The following UGP2 variants were observed in gnomAD, a reference collection of about 807,000 sequenced individuals.
UGP2 encodes the protein UDP-glucose pyrophosphorylase 2.
UGP2 carries 40 observed loss-of-function variants against 49.0 expected under a neutral mutation model. That is an observed-to-expected ratio of 0.82 (90% CI 0.63 to 1.06). UGP2 has a LOEUF of 1.06. UGP2 is among the 50% of genes least tolerant of loss of function. The pLI, the probability that UGP2 is intolerant of heterozygous loss-of-function variation, is 0.00. For synonymous variants in UGP2, 225 were observed against 213.0 expected, an observed-to-expected ratio of 1.06 and a Z score of -0.49; for missense variants, 460 against 603.5, an observed-to-expected ratio of 0.76 and a Z score of 2.49.
Position 63,886,216 on chromosome 2 carries a change from A to T in UGP2, c.874-125A>T, listed in dbSNP as rs1575855899. 3.0e-6 allele frequency: 3 copies of T among 990,502 alleles called. No homozygotes were observed. In the East Asian group the frequency reaches 7.6e-5, roughly 25 times the overall value. The allele number at this position is 990,502 out of a possible 1,614,324, so 61.4% of individuals were successfully genotyped here. A position where few individuals can be genotyped will look rare whatever the true frequency, so the allele number is the denominator to read the frequency against. The stretch of plus-strand genomic sequence containing the variant: ...TAAATGTTATTTCATTGTCCCTTTT[A>T]TGAAAATTTACTCTGTTTCTACATA... On this transcript the variant is annotated intron_variant, in intron 6 of 9. Coordinates refer to ENST00000337130, the MANE Select transcript of UGP2 (RefSeq NM_006759.4).
chr2:63,856,124 T>C, intron 1 of UGP2, 182 bp from the exon 2 acceptor site: 1 of 611,128 alleles, frequency 1.6e-6, no homozygotes, highest in Non-Finnish European at 2.7e-6. Context: ...TAGTGGAGAA[T>C]ATGAAACTGG....
intron 1 of UGP2, among the ~76,000 whole-genome samples, chr2:63,853,120 G>C (rs1669149486): frequency 6.6e-6 from 1 of 152,126 alleles, no homozygotes; most frequent in African/African-American, 2.4e-5. Flanking sequence ...GAGAGGAAAG[G>C]AGGAGCCAGT....
At chr2:63,876,781 T>A (rs1670935040) in intron 3 of UGP2, among the ~76,000 whole-genome samples, 2 of 152,232 alleles carry the variant, frequency 1.3e-5, no homozygotes, top group Admixed American at 1.3e-4. Context: ...CCAGGGCCTG[T>A]TCCCAGAAGT....
At chr2:63,851,787 A>AGT (rs1669058285) in intron 1 of UGP2, among the ~76,000 whole-genome samples, 1 of 152,136 alleles carries the variant, frequency 6.6e-6, no homozygotes, top group Admixed American at 6.6e-5. Flanking sequence ...TAAATCCTGA[A>AGT]GTAGGATATG....
At chr2:63,858,425 T>TTA (rs149386772) in intron 3 of UGP2, among the ~76,000 whole-genome samples, 4 of 152,128 alleles carry the variant, frequency 2.6e-5, no homozygotes, top group Admixed American at 2.6e-4. Context: ...AATGAGAAAA[T>TTA]TATATATATA....
chr2:63,856,512 T>G (rs1191046047), intron 2 of UGP2, 79 bp downstream of exon 2: 1 of 1,478,558 alleles, frequency 6.8e-7, no homozygotes, highest in African/African-American at 1.4e-5. Flanking sequence ...CCGGTGATGA[T>G]GATAATCATC....
At position 63,885,570 on chromosome 2, in the gene UGP2, A is replaced by G; in HGVS notation, c.576-19A>G. ...CTCTACAGGGTCAATATTGAAAAAG[A>G]ACTTTTTTTTTTTTAAAGGTACCCG... is the stretch of plus-strand genomic sequence containing the variant. On this transcript the variant is annotated intron_variant, in intron 5 of 9. Transcript: ENST00000337130. 6.7e-7 allele frequency: 1 copy of G among 1,503,398 alleles called. No individual in the cohort carries two copies. The highest frequency in any genetic ancestry group is 8.9e-7 in the Non-Finnish European group (1 of 1,126,464). The allele number at this position is 1,503,398 out of a possible 1,614,324, so 93.1% of individuals were successfully genotyped here. A position where few individuals can be genotyped will look rare whatever the true frequency, so the allele number is the denominator to read the frequency against.
At chr2:63,891,024 T>TAA (rs368306965) in intron 9 of UGP2, 96 bp from the exon 10 acceptor site, 17,397 of 829,068 alleles carry the variant, frequency 0.021, 50 homozygotes, top group Non-Finnish European at 0.022. Context: ...TACTTCACTG[T>TAA]AAAAAAAAAA....
Position 63,842,040 on chromosome 2 carries a change from G to C in UGP2, c.-146G>C. 3.2e-6 allele frequency: 3 copies of C among 929,648 alleles called. No homozygotes were observed. The highest frequency in any genetic ancestry group is 4.5e-6 in the Non-Finnish European group (3 of 660,978). 57.6% of individuals were successfully genotyped at this position (929,648 alleles called of 1,614,324 possible). A position where few individuals can be genotyped will look rare whatever the true frequency, so the allele number is the denominator to read the frequency against. On this transcript the variant is annotated 5_prime_UTR_variant, in exon 1 of 10. Transcript: ENST00000337130. ...TTCTTGAGCCAGTTTTAATCGCTTTGAATAAATACTCCCTTAAGTAGTTAA... is the reference window on the plus strand; with the variant it reads ...TTCTTGAGCCAGTTTTAATCGCTTTCAATAAATACTCCCTTAAGTAGTTAA...
intron 1 of UGP2, chr2:63,842,620 TG>T (rs1191991610): frequency 2.1e-6 from 3 of 1,444,718 alleles, no homozygotes. Context: ...CCGGGACTGT[TG>T]GGGAAGCTTT....
chr2:63,876,372 G>A (rs1258428024), intron 3 of UGP2, among the ~76,000 whole-genome samples: 1 of 152,178 alleles, frequency 6.6e-6, no homozygotes, highest in African/African-American at 2.4e-5. Context: ...CTTTTGAGGG[G>A]TGGTGGTGGT....
At chr2:63,847,674 G>GCT (rs1486072411) in intron 1 of UGP2, among the ~76,000 whole-genome samples, 1 of 152,178 alleles carries the variant, frequency 6.6e-6, no homozygotes, top group African/African-American at 2.4e-5. Flanking sequence ...GTCACAAGGT[G>GCT]CTCAGTTGGG....
intron 8 of UGP2, chr2:63,887,913 A>G: frequency 2.6e-6 from 1 of 379,802 alleles, no homozygotes; most frequent in East Asian, 5.2e-5. Context: ...TACTGCTTTC[A>G]TCAGTGGGAA....
intron 3 of UGP2, chr2:63,859,264 G>A (rs1669669441): frequency 6.6e-6 from 1 of 152,026 alleles, no homozygotes; most frequent in Non-Finnish European, 1.5e-5. Context: ...CAAAATGCTG[G>A]GATTACAGAC....
At chr2:63,883,912 CAA>C in intron 4 of UGP2, 46 bp from the exon 5 acceptor site, 1 of 1,561,114 alleles carries the variant, frequency 6.4e-7, no homozygotes, top group South Asian at 1.2e-5. Flanking sequence ...CATATTTGAG[CAA>C]AAGAAAAGTG....
At chr2:63,881,373 A>ACG (rs1197743934) in intron 3 of UGP2, among the ~76,000 whole-genome samples, 1 of 151,834 alleles carries the variant, frequency 6.6e-6, no homozygotes, top group African/African-American at 2.4e-5. Flanking sequence ...ACACACACAC[A>ACG]CACACGTTCC....
In UGP2 at chr2:63,872,249, T is replaced by A. The variant is rs142176859; in HGVS notation, c.256-10217T>A. 4.8e-3 allele frequency among the ~76,000 whole-genome samples: 733 copies of A among 152,316 alleles called. 21 individuals carry two copies. The highest frequency in any genetic ancestry group is 0.018 in the East Asian group (92 of 5,190). ...ATTTCATCAAATTTGGGCCATTGAT[T>A]ATAAGTTACACCTTTTATGTACCAC... On this transcript the variant is annotated intron_variant, in intron 3 of 9. Transcript: ENST00000337130.
At chr2:63,851,752 C>T (rs1418513766) in intron 1 of UGP2, among the ~76,000 whole-genome samples, 1 of 152,100 alleles carries the variant, frequency 6.6e-6, no homozygotes, top group African/African-American at 2.4e-5. Flanking sequence ...ATTTGGCTTT[C>T]AAAAATGAGG....
intron 3 of UGP2, 64 bp from the exon 4 acceptor site, chr2:63,882,402 T>G: frequency 7.5e-7 from 1 of 1,326,594 alleles, no homozygotes; most frequent in Non-Finnish European, 1.0e-6. Flanking sequence ...AACCCTGGGA[T>G]TGATATGCTT....
Sources: allele counts gnomAD v4.1 joint callset (sites outside exome capture counted in the v4.1 genomes callset), GRCh38; gene constraint gnomAD v4.1.1; transcripts MANE v1.5; gene names NCBI Gene and HGNC (gene_info 2026-07-23, HGNC 2026-07-21).